The following HTT-AS variants were observed in gnomAD, a reference collection of about 807,000 sequenced individuals.
HTT-AS encodes the protein HTT antisense RNA, also known as HTT antisense RNA (head to head).
chr4:3,050,843 C>T (rs540905276), intron 2 of HTT-AS, among the ~76,000 whole-genome samples: 45 of 152,280 alleles, frequency 3.0e-4, no homozygotes, highest in African/African-American at 9.4e-4. Context: ...CCGTTTACCT[C>T]TCTTTGGATG....
chr4:3,068,660 T>G (rs1283518703), intron 1 of HTT-AS, among the ~76,000 whole-genome samples: 1 of 151,248 alleles, frequency 6.6e-6, no homozygotes, highest in East Asian at 1.9e-4. Context: ...TAGCTTTTTT[T>G]TTTTTTTTTG....
At chr4:3,049,924 AC>A (rs1711668989) in intron 2 of HTT-AS, among the ~76,000 whole-genome samples, 1 of 146,852 alleles carries the variant, frequency 6.8e-6, no homozygotes, top group Admixed American at 6.9e-5. Flanking sequence ...ACACACACAC[AC>A]ACACACACAC....
chr4:3,057,354 A>G (rs1183299103), intron 2 of HTT-AS, among the ~76,000 whole-genome samples: 1 of 151,570 alleles, frequency 6.6e-6, no homozygotes, highest in Non-Finnish European at 1.5e-5. Context: ...TTTTTCACTT[A>G]GCATAATGAC....
downstream of HTT-AS, among the ~76,000 whole-genome samples, chr4:3,048,855 C>T (rs1163709027): frequency 1.3e-5 from 2 of 152,164 alleles, no homozygotes; most frequent in African/African-American, 4.8e-5. Context: ...AGAGTAAAGC[C>T]CTCCTGGCAA....
intron 2 of HTT-AS, among the ~76,000 whole-genome samples, chr4:3,054,134 T>A (rs754541621): frequency 1.1e-4 from 16 of 151,856 alleles, no homozygotes; most frequent in Non-Finnish European, 2.1e-4. Context: ...AGCATTAGAT[T>A]CTAGATAAGG....
intron 1 of HTT-AS, among the ~76,000 whole-genome samples, chr4:3,072,375 G>A (rs2110125999): frequency 6.6e-6 from 1 of 152,368 alleles, no homozygotes; most frequent in East Asian, 1.9e-4. Context: ...GCAACAGAGA[G>A]GGCCAGGGAG....
intron 1 of HTT-AS, among the ~76,000 whole-genome samples, chr4:3,068,242 C>T (rs1712091947): frequency 7.4e-6 from 1 of 134,384 alleles, no homozygotes; most frequent in African/African-American, 2.9e-5. Flanking sequence ...GGAGGCGGAG[C>T]TTGCAGTGAG....
At chr4:3,071,766 A>G (rs1246409124) in intron 1 of HTT-AS, among the ~76,000 whole-genome samples, 1 of 152,108 alleles carries the variant, frequency 6.6e-6, no homozygotes, top group Non-Finnish European at 1.5e-5. Flanking sequence ...ATGTCTTACA[A>G]GAAGAGATTA....
exon 2 of HTT-AS, among the ~76,000 whole-genome samples, chr4:3,062,729 G>C (rs973816616): frequency 6.6e-6 from 1 of 151,876 alleles, no homozygotes; most frequent in Non-Finnish European, 1.5e-5. Flanking sequence ...TTTATCATTA[G>C]AACAGACTCT....
intron 1 of HTT-AS, among the ~76,000 whole-genome samples, chr4:3,072,863 G>A (rs1238048491): frequency 6.6e-6 from 1 of 152,158 alleles, no homozygotes; most frequent in Non-Finnish European, 1.5e-5. Flanking sequence ...CCTGACCTCT[G>A]GTGATCTGCC....
At chr4:3,068,669 T>G (rs1009488535) in intron 1 of HTT-AS, among the ~76,000 whole-genome samples, 11 of 147,132 alleles carry the variant, frequency 7.5e-5, no homozygotes, top group African/African-American at 2.3e-4. Context: ...TTTTTTTTTT[T>G]GTCAAGATGG....
At chr4:3,062,108 T>G (rs1476494066) in intron 2 of HTT-AS, among the ~76,000 whole-genome samples, 1 of 151,184 alleles carries the variant, frequency 6.6e-6, no homozygotes, top group African/African-American at 2.4e-5. Flanking sequence ...TTAGCTTCAG[T>G]GATTTGGGGG....
chr4:3,062,011 AAAG>A (rs1711936462), intron 2 of HTT-AS, among the ~76,000 whole-genome samples: 1 of 146,710 alleles, frequency 6.8e-6, no homozygotes, highest in African/African-American at 2.6e-5. Context: ...AAAAAAAAAA[AAAG>A]AGAGAGAGAA....
At chr4:3,062,435 T>G (rs1711946914) in exon 2 of HTT-AS, among the ~76,000 whole-genome samples, 1 of 152,178 alleles carries the variant, frequency 6.6e-6, no homozygotes. Context: ...AGTACTCACC[T>G]GGCCTTGGAG....
In HTT-AS at chr4:3,058,395, A is replaced by G. The variant is rs575843235; in HGVS notation, n.1380+4039T>C. 3.1e-4 allele frequency among the ~76,000 whole-genome samples: 47 copies of G among 152,204 alleles called. No individual in the cohort carries two copies. The South Asian group carries it at 9.5e-3, about 31-fold the overall frequency. Reference sequence around the variant, plus strand: ...GTTGCCATGGCATCAGTAAACTGTCATGGGGCTGGTGGGAGTGCCTTTTAG... The same window carrying G: ...GTTGCCATGGCATCAGTAAACTGTCGTGGGGCTGGTGGGAGTGCCTTTTAG... On this transcript the variant is annotated intron_variant and non_coding_transcript_variant, in intron 2 of 2. Coordinates refer to ENST00000664062, the Ensembl canonical transcript of HTT-AS.
At chr4:3,068,178 T>C (rs943576183) in intron 1 of HTT-AS, among the ~76,000 whole-genome samples, 1 of 151,386 alleles carries the variant, frequency 6.6e-6, no homozygotes, top group Non-Finnish European at 1.5e-5. Context: ...TGGTGGTGGG[T>C]GCCTGTAGTC....
At chr4:3,073,204 G>C (rs1578472695) in intron 1 of HTT-AS, among the ~76,000 whole-genome samples, 1 of 152,240 alleles carries the variant, frequency 6.6e-6, no homozygotes, top group East Asian at 1.9e-4. Context: ...GGGGACTCTG[G>C]GTTGCAGGTG....
intron 2 of HTT-AS, among the ~76,000 whole-genome samples, chr4:3,058,536 A>G (rs1313775): frequency 0.12 from 18,358 of 151,910 alleles, 1,241 homozygotes; most frequent in Middle Eastern, 0.18. Context: ...AACCTGTTTT[A>G]TCAGTAAGGT....
chr4:3,047,603 T>C (rs1578462774), downstream of HTT-AS, among the ~76,000 whole-genome samples: 1 of 152,282 alleles, frequency 6.6e-6, no homozygotes, highest in East Asian at 1.9e-4. Context: ...TGACAGTGCC[T>C]GGGAAGGCAC....
Sources: allele counts gnomAD v4.1 joint callset (sites outside exome capture counted in the v4.1 genomes callset), GRCh38; gene constraint gnomAD v4.1.1; transcripts MANE v1.5; gene names NCBI Gene and HGNC (gene_info 2026-07-23, HGNC 2026-07-21).